The following RFPL4AL1 variants were observed in gnomAD, a reference collection of about 807,000 sequenced individuals.
RFPL4AL1 encodes the protein ret finger protein like 4A like 1, also known as ret finger protein-like 4A-like protein 1.
Under a neutral mutation model 8.2 loss-of-function variants are expected in RFPL4AL1, and 2 were observed. The ratio of observed to expected loss-of-function variants is 0.24; its 90% CI spans 0.10 to 0.77. The LOEUF is 0.77. RFPL4AL1 is among the 30% of genes least tolerant of loss of function. The pLI, the probability that RFPL4AL1 is intolerant of heterozygous loss-of-function variation, is 0.72. For synonymous variants in RFPL4AL1, 25 were observed against 131.8 expected, an observed-to-expected ratio of 0.19 and a Z score of 5.55; for missense variants, 57 against 350.3, an observed-to-expected ratio of 0.16 and a Z score of 6.68.
intron 2 of RFPL4AL1, 91 bp downstream of exon 2, chr19:55,772,181 G>T (rs912177527): frequency 7.6e-7 from 1 of 1,307,818 alleles, no homozygotes; most frequent in African/African-American, 1.5e-5. Context: ...GCATTAGCAG[G>T]ATATCTAGCA....
At chr19:55,769,459 G>A (rs1411029782) in intron 1 of RFPL4AL1, among the ~76,000 whole-genome samples, 2 of 151,644 alleles carry the variant, frequency 1.3e-5, no homozygotes, top group Non-Finnish European at 2.9e-5. Flanking sequence ...GTTACTCAAC[G>A]TCAGGTTTTC....
At chr19:55,772,314 T>C (rs7245975) in intron 2 of RFPL4AL1, among the ~76,000 whole-genome samples, 65,266 of 125,328 alleles carry the variant, frequency 0.52, 22,893 homozygotes, top group African/African-American at 0.73. Context: ...TCATGTATCA[T>C]ATGTGCTAAA....
intron 1 of RFPL4AL1, among the ~76,000 whole-genome samples, chr19:55,770,827 C>T (rs1265227765): frequency 1.3e-5 from 2 of 151,954 alleles, no homozygotes; most frequent in African/African-American, 4.8e-5. Flanking sequence ...TCTCTTGCGA[C>T]CACACAGTAT....
intron 1 of RFPL4AL1, among the ~76,000 whole-genome samples, chr19:55,770,229 C>T (rs552613213): frequency 6.6e-6 from 1 of 152,042 alleles, no homozygotes; most frequent in Non-Finnish European, 1.5e-5. Context: ...TGATCATAGC[C>T]ATCCTAGCAG....
At chr19:55,772,279 T>C (rs547427057) in intron 2 of RFPL4AL1, among the ~76,000 whole-genome samples, 189 bp downstream of exon 2, 1 of 131,634 alleles carries the variant, frequency 7.6e-6, no homozygotes, top group African/African-American at 2.6e-5. Flanking sequence ...GTAGAATACT[T>C]TGGAGAGCAA....
chr19:55,770,615 C>T (rs548435112), intron 1 of RFPL4AL1, among the ~76,000 whole-genome samples: 849 of 151,774 alleles, frequency 5.6e-3, no homozygotes, highest in Non-Finnish European at 8.2e-3. Flanking sequence ...TCAGCCGTGA[C>T]ACTGCAGAGT....
intron 1 of RFPL4AL1, among the ~76,000 whole-genome samples, chr19:55,771,366 T>A (rs890638503): frequency 1.3e-5 from 2 of 152,156 alleles, no homozygotes; most frequent in African/African-American, 4.8e-5. Flanking sequence ...TCATTTAAGA[T>A]GTGAGCAACT....
intron 1 of RFPL4AL1, among the ~76,000 whole-genome samples, chr19:55,771,089 T>TG (rs1340221627): frequency 1.4e-4 from 6 of 43,960 alleles, no homozygotes; most frequent in Non-Finnish European, 3.6e-4. Flanking sequence ...GTTTTTTGTT[T>TG]TTTTTTTTTT....
In RFPL4AL1 at chr19:55,772,831, C is replaced by G. The variant is rs117388121; in HGVS notation, c.516C>G (p.Val172=). 0.2 allele frequency: 251,108 copies of G among 1,240,356 alleles called. 21,735 individuals are homozygous for G. The highest frequency in any genetic ancestry group is 0.37 in the South Asian group (25,079 of 68,596). 76.8% of individuals were successfully genotyped at this position (1,240,356 alleles called of 1,614,324 possible). ...ATGTGGGCGTGTGCAAGGAATCTGT[C>G]AACCGACAGGGGAAGATTGAGCTTT... is the stretch of plus-strand genomic sequence containing the variant. The part of the protein sequence containing the change: ...VWDVGVCKES[V]NRQGKIELSS... The change falls in exon 3 of 3, where the codon GTC becomes GTG. Residue 172 remains valine, a synonymous_variant. Transcript: ENST00000341750.
In RFPL4AL1 at chr19:55,769,180, G is replaced by A. The variant is rs1178103887; in HGVS notation, c.-10+5G>A. The A allele has an allele frequency of 6.5e-6, 1 of 152,870 alleles. No individual in the cohort carries two copies. Among genetic ancestry groups the A allele is most frequent in the East Asian group, 1.9e-4 (1 of 5,190 alleles). The allele number at this position is 152,870 out of a possible 1,614,324, so 9.5% of individuals were successfully genotyped here. On this transcript the variant is annotated splice_donor_5th_base_variant and intron_variant, in intron 1 of 2. Transcript: ENST00000341750. ...GGAGAAACTCCAGAAGGAGAGGTGA[G>A]TTCAATCTTATGGAATTCATTTTTA... is the stretch of plus-strand genomic sequence containing the variant.
chr19:55,769,398 A>G (rs542732040), intron 1 of RFPL4AL1, among the ~76,000 whole-genome samples: 74 of 151,130 alleles, frequency 4.9e-4, no homozygotes, highest in East Asian at 9.7e-4. Flanking sequence ...CTTGAATTTC[A>G]TCAGAATTTG....
Position 55,770,462 on chromosome 19 carries a change from G to A in RFPL4AL1, c.-10+1287G>A, listed in dbSNP as rs552953822. Among the ~76,000 whole-genome samples, 1,385 of 151,714 alleles carry A rather than the reference G, an allele frequency of 9.1e-3. 4 individuals carry two copies. The highest frequency in any genetic ancestry group is 0.014 in the Non-Finnish European group (933 of 67,714). On this transcript the variant is annotated intron_variant, in intron 1 of 2. Transcript: ENST00000341750. ...GGGCGTGATTCTGAAAGCTGGTGGC[G>A]TTCAAAGGAGTTTGGGGTTTCTATT...
At chr19:55,769,749 C>T (rs943209307) in intron 1 of RFPL4AL1, among the ~76,000 whole-genome samples, 1 of 151,570 alleles carries the variant, frequency 6.6e-6, no homozygotes, top group African/African-American at 2.4e-5. Context: ...AGTGCAGTGG[C>T]TATTTTCTGA....
At position 55,773,163 on chromosome 19, in the gene RFPL4AL1, C is replaced by A. The variant is rs199519773; in HGVS notation, c.848C>A (p.Ser283Tyr). ...INPSTASAPV[S>Y]SEGK ...CCATCCACTGCCAGTGCCCCAGTTT[C>A]TTCTGAGGGAAAGTAAATAAACATT... The change falls in exon 3 of 3, where the codon TCT (serine) becomes TAT (tyrosine). Residue 283 changes from serine (S) to tyrosine (Y), a missense_variant. Ser to Tyr is a moderately radical substitution (Grantham distance 144, BLOSUM62 -2). Coordinates refer to ENST00000341750, the MANE Select transcript of RFPL4AL1 (RefSeq NM_001277397.2). The A allele has an allele frequency of 0.35, 500,584 of 1,414,374 alleles. 70,373 individuals carry two copies. Among genetic ancestry groups the A allele is most frequent in the African/African-American group, 0.58 (38,512 of 66,712 alleles). 87.6% of individuals were successfully genotyped at this position (1,414,374 alleles called of 1,614,324 possible).
At chr19:55,770,995 A>G (rs1280570755) in intron 1 of RFPL4AL1, among the ~76,000 whole-genome samples, 7 of 151,546 alleles carry the variant, frequency 4.6e-5, no homozygotes, top group African/African-American at 1.7e-4. Context: ...TCTTTTTGCT[A>G]CGGCCTTGAA....
chr19:55,771,096 T>TG (rs1402043795), intron 1 of RFPL4AL1, among the ~76,000 whole-genome samples: 2 of 149,320 alleles, frequency 1.3e-5, no homozygotes, highest in Non-Finnish European at 3.0e-5. Context: ...GTTTTTTTTT[T>TG]TTTTTTTTTC....
chr19:55,769,872 GTGCAA>G (rs1352422131), intron 1 of RFPL4AL1, among the ~76,000 whole-genome samples: 15 of 151,692 alleles, frequency 9.9e-5, no homozygotes, highest in Non-Finnish European at 1.6e-4. Context: ...ATCCACATTG[GTGCAA>G]TGCCAGAATT....
At chr19:55,770,607 A>T (rs2122664091) in intron 1 of RFPL4AL1, among the ~76,000 whole-genome samples, 1 of 152,044 alleles carries the variant, frequency 6.6e-6, no homozygotes, top group East Asian at 1.9e-4. Context: ...TGCTGGGGTC[A>T]GCCGTGACAC....
In RFPL4AL1 at chr19:55,772,942, G is replaced by A. The variant is rs1426734715; in HGVS notation, c.627G>A (p.Val209=). The A allele has an allele frequency of 6.5e-7, 1 of 1,539,310 alleles. No individual in the cohort carries two copies. Among genetic ancestry groups the A allele is most frequent in the Non-Finnish European group, 8.8e-7 (1 of 1,139,946 alleles). The change falls in exon 3 of 3, where the codon GTG becomes GTA. Residue 209 remains valine (V), a synonymous_variant. Transcript: ENST00000341750. The stretch of plus-strand genomic sequence containing the variant: ...CTGTGCCTATGACTCCTCTCTGGGT[G>A]AGTCCCCAGTTGCACAGAGTGGGGA... ...ASTVPMTPLW[V]SPQLHRVGIF...
Sources: gnomAD v4.1 joint callset for allele counts (sites outside exome capture counted in the v4.1 genomes callset) on GRCh38, gnomAD v4.1.1 for gene constraint, MANE v1.5 for transcripts, NCBI Gene and HGNC (gene_info 2026-07-23, HGNC 2026-07-21) for gene names.